The following NEDD4 variants were observed in gnomAD, a reference collection of about 807,000 sequenced individuals.
NEDD4 encodes E3 ubiquitin-protein ligase NEDD4.
Under a neutral mutation model 144.9 loss-of-function variants are expected in NEDD4, and 99 were observed. The ratio of observed to expected loss-of-function variants is 0.68; its 90% confidence interval spans 0.58 to 0.81. The LOEUF is 0.81. NEDD4 is among the 30% of genes least tolerant of loss of function. NEDD4 has a pLI of 0.00. For missense variants in NEDD4, 985 were observed against 1,065.9 expected, an observed-to-expected ratio of 0.92 and a Z score of 1.06; for synonymous variants, 318 against 350.6, an observed-to-expected ratio of 0.91 and a Z score of 1.04.
chr15:55,958,574 A>G (rs1176030328), intron 2 of NEDD4, among the ~76,000 whole-genome samples: 2 of 152,042 alleles, frequency 1.3e-5, no homozygotes, highest in African/African-American at 4.8e-5. Flanking sequence ...TTTTCCCTAA[A>G]TGTCTGATAG....
At chr15:55,947,071 G>A (rs1388701328) in intron 4 of NEDD4, among the ~76,000 whole-genome samples, 1 of 152,194 alleles carries the variant, frequency 6.6e-6, no homozygotes, top group Non-Finnish European at 1.5e-5. Flanking sequence ...ATCTAAAATT[G>A]ACACCCTAAC....
chr15:55,860,433 C>T lies in NEDD4; in HGVS notation c.934G>A (p.Ala312Thr). Reference protein sequence around the residue: ...NARLTIFGNSAVSQPASSSNH... With the variant: ...NARLTIFGNSTVSQPASSSNH... ...GAGCTCGATGCTGGCTGGCTCACGG[C>T]TGAATTTCCAAAAATGGTGAGTCTG... The change falls in exon 11 of 29, where the codon GCC becomes ACC. Residue 312 changes from alanine (A) to threonine (T), a missense_variant. Transcript: ENST00000435532. 3.1e-6 allele frequency: 5 copies of T among 1,614,078 alleles called. No individual in the cohort carries two copies. Among genetic ancestry groups the T allele is most frequent in the Non-Finnish European group, 3.4e-6 (4 of 1,179,988 alleles).
rs2032797236 is a variant in NEDD4, at chr15:55,828,567, G to A, written c.*1330C>T. On this transcript the variant is annotated 3_prime_UTR_variant, in exon 29 of 29. Coordinates refer to ENST00000435532, the MANE Select transcript of NEDD4 (RefSeq NM_006154.4). ...TACAAATTCATAGACACATTTGCAA[G>A]TTCCTTGAGGATCAGGACTCAGCTT... 2 of 152,422 alleles carry A rather than the reference G, an allele frequency of 1.3e-5. No homozygotes were observed. Among genetic ancestry groups the A allele is most frequent in the Admixed American group, 6.5e-5 (1 of 15,276 alleles). The allele number at this position is 152,422 out of a possible 1,614,324, so 9.4% of individuals were successfully genotyped here. A position where few individuals can be genotyped will look rare whatever the true frequency, so the allele number is the denominator to read the frequency against.
chr15:55,991,992 T>A (rs1285614328), intron 1 of NEDD4: 1 of 152,224 alleles, frequency 6.6e-6, no homozygotes, highest in Non-Finnish European at 1.5e-5. Flanking sequence ...AAATCTGCAA[T>A]TAGCAGGGCC....
At chr15:55,984,017 GGTAAA>G (rs1399949922) in intron 1 of NEDD4, among the ~76,000 whole-genome samples, 1 of 151,958 alleles carries the variant, frequency 6.6e-6, no homozygotes, top group East Asian at 1.9e-4. Context: ...CTATAAAATC[GGTAAA>G]GTATATTCTA....
chr15:55,947,101 G>C (rs1340051844), intron 4 of NEDD4, among the ~76,000 whole-genome samples: 1 of 152,106 alleles, frequency 6.6e-6, no homozygotes, highest in Non-Finnish European at 1.5e-5. Context: ...GAAAGAACTA[G>C]AGAAGCAAGA....
intron 1 of NEDD4, among the ~76,000 whole-genome samples, chr15:55,983,524 C>G (rs950013751): frequency 1.1e-4 from 16 of 152,054 alleles, no homozygotes; most frequent in African/African-American, 3.9e-4. Context: ...CACTCTTCAC[C>G]TGCTAACTCC....
chr15:55,838,031 A>G, intron 23 of NEDD4, 76 bp downstream of exon 23: 1 of 1,012,208 alleles, frequency 9.9e-7, no homozygotes, highest in East Asian at 2.6e-5. Context: ...GGGACAGAGA[A>G]AGATGGTAAG....
chr15:55,837,543 T>C (rs2033269941), intron 24 of NEDD4, among the ~76,000 whole-genome samples: 2 of 152,142 alleles, frequency 1.3e-5, no homozygotes, highest in South Asian at 4.1e-4. Context: ...CTTGTTCTTT[T>C]GCTGTCCTAA....
intron 5 of NEDD4, among the ~76,000 whole-genome samples, chr15:55,890,943 AC>A (rs2035552134): frequency 6.6e-6 from 1 of 152,124 alleles, no homozygotes; most frequent in Non-Finnish European, 1.5e-5. Flanking sequence ...AAAATCTCTT[AC>A]AATCTTCCCT....
intron 27 of NEDD4, among the ~76,000 whole-genome samples, 196 bp downstream of exon 27, chr15:55,832,812 C>T (rs1390557107): frequency 6.6e-6 from 1 of 152,070 alleles, no homozygotes; most frequent in Non-Finnish European, 1.5e-5. Flanking sequence ...CCAGTTTTCC[C>T]CTTTATTATC....
At chr15:55,899,522 C>G (rs1174273325) in intron 5 of NEDD4, among the ~76,000 whole-genome samples, 3 of 152,146 alleles carry the variant, frequency 2.0e-5, no homozygotes, top group Non-Finnish European at 2.9e-5. Context: ...CAACAAACCC[C>G]TTTAAAACCA....
chr15:55,970,693 A>G (rs569997333), intron 1 of NEDD4, among the ~76,000 whole-genome samples: 2 of 152,242 alleles, frequency 1.3e-5, no homozygotes, highest in Admixed American at 6.5e-5. Flanking sequence ...TGGTGCCTCT[A>G]TGAGACTACA....
At chr15:55,857,266 ACC>A (rs2034231986) in intron 11 of NEDD4, among the ~76,000 whole-genome samples, 1 of 152,174 alleles carries the variant, frequency 6.6e-6, no homozygotes, top group Non-Finnish European at 1.5e-5. Context: ...TAGGTCTTTG[ACC>A]ACTAATAGTA....
intron 21 of NEDD4, 133 bp downstream of exon 21, chr15:55,840,314 G>T: frequency 1.2e-6 from 1 of 810,140 alleles, no homozygotes. Context: ...ATAAAATGTT[G>T]AGGAAAAAGT....
At position 55,873,270 on chromosome 15, in the gene NEDD4, T is replaced by C. The variant is rs111673857; in HGVS notation, c.342+688A>G. Among the ~76,000 whole-genome samples the C allele has an allele frequency of 1.3e-5, 2 of 152,328 alleles. 1 individual carries two copies. Among genetic ancestry groups the C allele is most frequent in the African/African-American group, 4.8e-5 (2 of 41,574 alleles). On this transcript the variant is annotated intron_variant, in intron 6 of 28. Transcript: ENST00000435532. ...AGAGATTCTGCTGTTATCTGGACAG[T>C]GATAACACTCAATCCTTCCAGTCCC...
intron 1 of NEDD4, among the ~76,000 whole-genome samples, chr15:55,980,145 T>C (rs2037774665): frequency 6.6e-6 from 1 of 152,150 alleles, no homozygotes; most frequent in African/African-American, 2.4e-5. Flanking sequence ...TTGGCCAGGC[T>C]GATCTTGAAC....
At chr15:55,960,310 T>TA (rs1219042876) in intron 2 of NEDD4, among the ~76,000 whole-genome samples, 3 of 152,202 alleles carry the variant, frequency 2.0e-5, no homozygotes, top group African/African-American at 7.2e-5. Context: ...ACCCTCAATC[T>TA]GGGTGGGCAC....
intron 4 of NEDD4, among the ~76,000 whole-genome samples, chr15:55,944,168 C>T (rs1436513477): frequency 2.0e-5 from 3 of 152,124 alleles, no homozygotes; most frequent in South Asian, 2.1e-4. Context: ...GAGGGCAAGC[C>T]GAAGCAGGAT....
Sources: allele counts gnomAD v4.1 joint callset (sites outside exome capture counted in the v4.1 genomes callset), GRCh38; gene constraint gnomAD v4.1.1; transcripts MANE v1.5; gene names NCBI Gene and HGNC (gene_info 2026-07-23, HGNC 2026-07-21).